FGR: variants seen among roughly 807,000 people sequenced by gnomAD.
The protein encoded by FGR is FGR proto-oncogene, Src family tyrosine kinase.
A neutral mutation model predicts 63.2 loss-of-function variants in FGR; 26 were observed. That is an observed-to-expected ratio of 0.41 (90% confidence interval 0.30 to 0.57). The LOEUF (loss-of-function observed/expected upper bound fraction) is 0.57. Ranked by LOEUF, FGR falls within the 20% of genes least tolerant of loss-of-function variation. FGR has a pLI of 0.27. For missense variants in FGR, 511 were observed against 690.8 expected (o/e 0.74, Z 2.92); for synonymous variants, 286 against 277.7 (o/e 1.03, Z -0.30).
intron 4 of FGR, among the ~76,000 whole-genome samples, chr1:27,622,012 C>T (rs2089937933): frequency 6.6e-6 from 1 of 152,110 alleles, no homozygotes; most frequent in East Asian, 1.9e-4. Context: ...CTCAATGTGG[C>T]TTAAAAAGCC....
chr1:27,627,476 AC>A (rs1233616961), intron 1 of FGR, among the ~76,000 whole-genome samples: 1 of 151,512 alleles, frequency 6.6e-6, no homozygotes, highest in Non-Finnish European at 1.5e-5. Context: ...ACACACACAC[AC>A]ATCCTCTATA....
At position 27,629,832 on chromosome 1, in the gene FGR, G is replaced by A. The variant is rs185671472; in HGVS notation, c.-76-4681C>T. On this transcript the variant is annotated intron_variant, in intron 1 of 12. Transcript: ENST00000374005. ...AGAAACTGAGGCACAGAGATGTTAA[G>A]TAACTTGCCCAAGATTACATTGTGA... Among the ~76,000 whole-genome samples, 5 of 152,304 alleles carry A rather than the reference G, an allele frequency of 3.3e-5. No individual in the cohort carries two copies. In the East Asian group the frequency reaches 9.6e-4, roughly 29 times the overall value.
chr1:27,617,947 A>T lies in FGR; in HGVS notation c.429-651T>A, dbSNP rs1056525847. Among the ~76,000 whole-genome samples, 1 of 152,206 alleles carries T rather than the reference A, an allele frequency of 6.6e-6. No homozygotes were observed. The highest frequency in any genetic ancestry group is 2.4e-5 in the African/African-American group (1 of 41,450). ...GGGATTCTTTCTGGGATTGAACCGT[A>T]GCCCTAAACCAACTGTGCAGGTACA... On this transcript the variant is annotated intron_variant, in intron 5 of 12. Coordinates refer to ENST00000374005, the MANE Select transcript of FGR (RefSeq NM_005248.3). This position sits in a 1 kb window ranked among gnomAD's most constrained non-coding sequence, Gnocchi z 4.5.
intron 5 of FGR, among the ~76,000 whole-genome samples, chr1:27,620,074 T>C (rs11800191): frequency 0.15 from 22,621 of 152,172 alleles, 4,915 homozygotes; most frequent in African/African-American, 0.48. Context: ...CTCAGCACTT[T>C]GGGAGTCTGA....
chr1:27,632,010 G>A (rs2090112435), intron 1 of FGR, among the ~76,000 whole-genome samples: 2 of 151,888 alleles, frequency 1.3e-5, no homozygotes, highest in Admixed American at 6.5e-5. Flanking sequence ...GACCGGGCGG[G>A]CTTCCATCCC....
Position 27,617,167 on chromosome 1 carries a change from G to A in FGR, c.532+26C>T, listed in dbSNP as rs373660635. The A allele has an allele frequency of 5.5e-5, 88 of 1,605,950 alleles. No homozygotes were observed. Among genetic ancestry groups the A allele is most frequent in the Middle Eastern group, 3.4e-4 (2 of 5,954 alleles). ...ACCCCAATGGCTGGGCCTCCCAGTC[G>A]CCTTGGGGCGTGGCACCACCCCTAC... On this transcript the variant is annotated intron_variant, in intron 6 of 12. Coordinates refer to ENST00000374005, the MANE Select transcript of FGR (RefSeq NM_005248.3). This position sits in a 1 kb window ranked among gnomAD's most constrained non-coding sequence, Gnocchi z 4.5.
At chr1:27,613,446 T>C in intron 11 of FGR, 96 bp from the exon 12 acceptor site, 1 of 1,403,370 alleles carries the variant, frequency 7.1e-7, no homozygotes, top group African/African-American at 1.4e-5. Flanking sequence ...CTCACGTCTG[T>C]AATCCCAGCA....
Position 27,612,935 on chromosome 1 carries a change from G to A in FGR, c.1569C>T (p.Tyr523=), listed in dbSNP as rs1350382444. The A allele has an allele frequency of 6.2e-7, 1 of 1,614,076 alleles. No homozygotes were observed. The highest frequency in any genetic ancestry group is 1.7e-5 in the Admixed American group (1 of 60,026). Reference sequence around the variant, plus strand: ...CAGGCTATGTCTGATCCCCGGGCTGGTACTGTGGTTCAGCGGAGGTGAAGT... The same window carrying A: ...CAGGCTATGTCTGATCCCCGGGCTGATACTGTGGTTCAGCGGAGGTGAAGT... ...EDYFTSAEPQ[Y]QPGDQT is the part of the protein sequence containing the mutation. The change falls in exon 13 of 13, where the codon TAC becomes TAT. Residue 523 remains tyrosine, a synonymous_variant. Coordinates refer to ENST00000374005, the MANE Select transcript of FGR (RefSeq NM_005248.3).
At chr1:27,618,763 C>A (rs58227184) in intron 5 of FGR, among the ~76,000 whole-genome samples, 11,791 of 152,194 alleles carry the variant, frequency 0.077, 1,560 homozygotes, top group African/African-American at 0.27. Context: ...TCCAAACATG[C>A]CCACATTTCT....
intron 11 of FGR, 49 bp downstream of exon 11, chr1:27,614,381 G>T: frequency 6.3e-7 from 1 of 1,582,922 alleles, no homozygotes. Context: ...CCCCATGGAA[G>T]TCCCTTGTTG....
At chr1:27,618,541 G>A (rs2089859192) in intron 5 of FGR, among the ~76,000 whole-genome samples, 1 of 152,000 alleles carries the variant, frequency 6.6e-6, no homozygotes, top group Admixed American at 6.6e-5. Context: ...TGGTGACACT[G>A]GCTCCAAGAT....
chr1:27,625,990 G>A, intron 1 of FGR: 1 of 399,976 alleles, frequency 2.5e-6, no homozygotes, highest in East Asian at 3.6e-5. Context: ...GAACCCTGCT[G>A]TGCTCCCAGC....
chr1:27,634,432 C>T (rs1312971116), intron 1 of FGR, among the ~76,000 whole-genome samples: 1 of 152,160 alleles, frequency 6.6e-6, no homozygotes, highest in Non-Finnish European at 1.5e-5. Context: ...AAGGGCGGGC[C>T]GAGAGGGTCG....
intron 2 of FGR, 31 bp from the exon 3 acceptor site, chr1:27,623,960 C>T (rs1311459313): frequency 1.3e-6 from 2 of 1,528,114 alleles, no homozygotes; most frequent in Non-Finnish European, 8.9e-7. Context: ...CACTCAAGGA[C>T]CCCTGCCAGG....
intron 10 of FGR, 63 bp downstream of exon 10, chr1:27,614,787 A>T (rs1488514934): frequency 1.4e-6 from 2 of 1,478,140 alleles, no homozygotes; most frequent in African/African-American, 2.8e-5. Context: ...TTGAAGGGAC[A>T]GAGAATTTGT....
At chr1:27,626,132 T>C (rs2090018209) in intron 1 of FGR, 1 of 398,508 alleles carries the variant, frequency 2.5e-6, no homozygotes, top group Non-Finnish European at 4.4e-6. Flanking sequence ...AGCCCCACAA[T>C]GAGCCAACCC....
intron 1 of FGR, among the ~76,000 whole-genome samples, chr1:27,631,902 G>C (rs953686194): frequency 6.6e-6 from 1 of 151,966 alleles, no homozygotes; most frequent in Admixed American, 6.5e-5. Flanking sequence ...TGGGCTGGCC[G>C]GGGGCAGGCC....
intron 1 of FGR, among the ~76,000 whole-genome samples, chr1:27,628,192 A>G (rs1456710752): frequency 6.6e-6 from 1 of 151,798 alleles, no homozygotes; most frequent in Non-Finnish European, 1.5e-5. Flanking sequence ...AAAACAAAAA[A>G]AAACCAAAAA....
At position 27,617,100 on chromosome 1, in the gene FGR, C is replaced by T. The variant is rs2089828151; in HGVS notation, c.532+93G>A. On this transcript the variant is annotated intron_variant, in intron 6 of 12. Coordinates refer to ENST00000374005, the MANE Select transcript of FGR (RefSeq NM_005248.3). The surrounding 1 kb of genome is among the most constrained non-coding windows in gnomAD (Gnocchi z 4.5). ...CAGCAGCATCCCTAGGACCTGGTCC[C>T]AGTCTTGGCCTTAACCCAAGCAGCC... is the stretch of plus-strand genomic sequence containing the variant. The T allele has an allele frequency of 6.3e-7, 1 of 1,598,912 alleles. No individual in the cohort carries two copies. The highest frequency in any genetic ancestry group is 1.3e-5 in the African/African-American group (1 of 74,532).
Sources: allele counts gnomAD v4.1 joint callset (sites outside exome capture counted in the v4.1 genomes callset), GRCh38; gene constraint gnomAD v4.1.1; non-coding constraint Gnocchi (gnomAD v3.1); transcripts MANE v1.5; gene names NCBI Gene and HGNC (gene_info 2026-07-23, HGNC 2026-07-21).